Variants in AFAP1 observed in about 807,000 individuals in gnomAD.
The protein encoded by AFAP1 is actin filament associated protein 1, also known as actin filament-associated protein 1.
Under a neutral mutation model 93.9 loss-of-function variants are expected in AFAP1, and 75 were observed. The observed-to-expected ratio is 0.80, with a 90% CI of 0.66 to 0.97. The LOEUF (loss-of-function observed/expected upper bound fraction) is 0.97, where lower values mean the gene tolerates loss of function less well. AFAP1 is among the 50% of genes least tolerant of loss of function. The pLI, the probability that AFAP1 is intolerant of heterozygous loss-of-function variation, is 0.00. For missense variants in AFAP1, 1,201 were observed against 1,050.8 expected (o/e 1.14, Z -1.98); for synonymous variants, 517 against 430.7 (o/e 1.20, Z -2.48).
At chr4:7,851,467 A>T (rs1028698501) in intron 4 of AFAP1, among the ~76,000 whole-genome samples, 1 of 152,194 alleles carries the variant, frequency 6.6e-6, no homozygotes, top group Admixed American at 6.5e-5. Flanking sequence ...AAAACAGGTA[A>T]CAAACAACTG....
intron 4 of AFAP1, among the ~76,000 whole-genome samples, chr4:7,848,672 A>G (rs1197079190): frequency 6.6e-6 from 1 of 152,112 alleles, no homozygotes; most frequent in Non-Finnish European, 1.5e-5. Context: ...ACTCAGACCC[A>G]CATGCCAGTG....
At chr4:7,779,274 G>A (rs78665615) in intron 13 of AFAP1, 65 of 175,854 alleles carry the variant, frequency 3.7e-4, no homozygotes, top group African/African-American at 1.4e-3. Flanking sequence ...AGAGGAGCAC[G>A]ACCCTGCAGT....
intron 10 of AFAP1, among the ~76,000 whole-genome samples, chr4:7,795,405 CTTTTTTTTTTTTTTTTTTTTTTTTTTT>C (rs35550085): frequency 3.5e-4 from 22 of 62,084 alleles, no homozygotes; most frequent in Non-Finnish European, 5.0e-4. Flanking sequence ...AAAACAAAAT[CTTTTTTTTTTTTTTTTTTTTTTTTTTT>C]TTTTTTTTTT....
intron 4 of AFAP1, among the ~76,000 whole-genome samples, chr4:7,848,130 A>AAGGAAGGAAGGAAGGGG (rs1713976500): frequency 9.2e-6 from 1 of 108,402 alleles, no homozygotes; most frequent in Admixed American, 1.1e-4. Context: ...GAAGGAAGGG[A>AAGGAAGGAAGGAAGGGG]GTGAGTGAGG....
chr4:7,761,070 T>G lies in AFAP1; in HGVS notation c.*2695A>C, dbSNP rs1713715428. 6.6e-6 allele frequency: 1 copy of G among 152,236 alleles called. No individual in the cohort carries two copies. The highest frequency in any genetic ancestry group is 1.5e-5 in the Non-Finnish European group (1 of 68,034). 9.4% of individuals were successfully genotyped at this position (152,236 alleles called of 1,614,324 possible). A position where few individuals can be genotyped will look rare whatever the true frequency, so the allele number is the denominator to read the frequency against. On this transcript the variant is annotated 3_prime_UTR_variant, in exon 18 of 18. Coordinates refer to ENST00000420658, the MANE Select transcript of AFAP1 (RefSeq NM_001134647.2). ...GGGGTGCTTGTTCCTGGGGCATGTT[T>G]TGGGAGGGGAATAAAATGACATCAC... is the stretch of plus-strand genomic sequence containing the variant.
At chr4:7,853,109 TG>T (rs1279642167) in intron 4 of AFAP1, among the ~76,000 whole-genome samples, 2 of 152,158 alleles carry the variant, frequency 1.3e-5, no homozygotes, top group Non-Finnish European at 2.9e-5. Flanking sequence ...AGTTTTCTAC[TG>T]TATCAGCCTA....
At chr4:7,813,703 C>T (rs577989193) in intron 8 of AFAP1, among the ~76,000 whole-genome samples, 36 of 152,318 alleles carry the variant, frequency 2.4e-4, no homozygotes, top group African/African-American at 5.1e-4. Context: ...ATACTTTCCA[C>T]TGAATAACTT....
At chr4:7,776,539 AG>A (rs1432537650) in intron 14 of AFAP1, 1 of 152,210 alleles carries the variant, frequency 6.6e-6, no homozygotes, top group Non-Finnish European at 1.5e-5. Flanking sequence ...TTGTCCACTC[AG>A]GGACAGCAGG....
chr4:7,831,392 C>CAA (rs1439708835), intron 6 of AFAP1, among the ~76,000 whole-genome samples: 1 of 111,572 alleles, frequency 9.0e-6, no homozygotes, highest in African/African-American at 3.5e-5. Flanking sequence ...TCAGCAAATG[C>CAA]TAAAAAAAAA....
chr4:7,815,799 A>G (rs1427978220), intron 8 of AFAP1, among the ~76,000 whole-genome samples: 1 of 152,170 alleles, frequency 6.6e-6, no homozygotes, highest in Non-Finnish European at 1.5e-5. Flanking sequence ...AACCTCGGCC[A>G]AGGTCTGGCA....
intron 9 of AFAP1, among the ~76,000 whole-genome samples, chr4:7,801,283 C>T (rs943567759): frequency 5.3e-5 from 8 of 152,146 alleles, no homozygotes; most frequent in African/African-American, 9.7e-5. Flanking sequence ...AACTGCAAAG[C>T]GACGGGTGAA....
At chr4:7,842,534 G>C (rs748636187) in intron 5 of AFAP1, among the ~76,000 whole-genome samples, 7 of 151,942 alleles carry the variant, frequency 4.6e-5, no homozygotes, top group Non-Finnish European at 7.4e-5. Flanking sequence ...GGTGGGGAGG[G>C]AGTGGGGAGG....
At chr4:7,809,396 A>G (rs2149049957) in intron 9 of AFAP1, 1 of 416,754 alleles carries the variant, frequency 2.4e-6, no homozygotes, top group South Asian at 1.0e-4. Flanking sequence ...TCCTTGAAAG[A>G]ACCTTAGAGA....
At chr4:7,824,072 C>G (rs756491758) in intron 6 of AFAP1, among the ~76,000 whole-genome samples, 2 of 152,218 alleles carry the variant, frequency 1.3e-5, no homozygotes, top group Non-Finnish European at 2.9e-5. Context: ...GATTGCCAAG[C>G]TGCACCTGCA....
At chr4:7,819,406 T>G (rs1041814947) in intron 6 of AFAP1, among the ~76,000 whole-genome samples, 1 of 152,158 alleles carries the variant, frequency 6.6e-6, no homozygotes, top group African/African-American at 2.4e-5. Flanking sequence ...TGCAACTACG[T>G]TTCCTGCTGG....
intron 1 of AFAP1, among the ~76,000 whole-genome samples, chr4:7,887,304 A>C (rs955231906): frequency 4.6e-5 from 7 of 152,082 alleles, no homozygotes; most frequent in African/African-American, 1.7e-4. Flanking sequence ...ATATTTGGGT[A>C]TCTAAGTGTG....
At chr4:7,893,452 G>T (rs1718588309) in intron 1 of AFAP1, among the ~76,000 whole-genome samples, 1 of 151,926 alleles carries the variant, frequency 6.6e-6, no homozygotes, top group African/African-American at 2.4e-5. Context: ...GTGGTGGCGG[G>T]CGCCTGTAGT....
rs759263927 is a variant in AFAP1, at chr4:7,816,115, G to T, written c.823-16C>A. On this transcript the variant is annotated splice_polypyrimidine_tract_variant and intron_variant, in intron 7 of 17. Transcript: ENST00000420658. Reference sequence around the variant, plus strand: ...AAGACAGTTTCTGTAAGGAGAAAAAGATTAAGTTATTCTTACAGTGGTCAC... The same window carrying T: ...AAGACAGTTTCTGTAAGGAGAAAAATATTAAGTTATTCTTACAGTGGTCAC... The T allele has an allele frequency of 2.5e-6, 4 of 1,600,914 alleles. No homozygotes were observed. Among genetic ancestry groups the T allele is most frequent in the East Asian group, 2.2e-5 (1 of 44,806 alleles).
At chr4:7,904,285 G>A (rs1189572204) in intron 1 of AFAP1, among the ~76,000 whole-genome samples, 1 of 152,032 alleles carries the variant, frequency 6.6e-6, no homozygotes, top group African/African-American at 2.4e-5. Flanking sequence ...GAAACAAGCG[G>A]AAACGGCTCT....
Sources: allele counts gnomAD v4.1 joint callset (sites outside exome capture counted in the v4.1 genomes callset), GRCh38; gene constraint gnomAD v4.1.1; transcripts MANE v1.5; gene names NCBI Gene and HGNC (gene_info 2026-07-23, HGNC 2026-07-21).